Variants in EBF1 observed in about 807,000 individuals in gnomAD.
The protein encoded by EBF1 is EBF transcription factor 1, also known as transcription factor COE1.
A neutral mutation model predicts 68.4 loss-of-function variants in EBF1; 10 were observed. The ratio of observed to expected loss-of-function variants is 0.15; its 90% CI spans 0.09 to 0.25. The LOEUF (loss-of-function observed/expected upper bound fraction) is 0.25, where lower values mean the gene tolerates loss of function less well. EBF1 is among the 10% of genes least tolerant of loss of function. The pLI, the probability that EBF1 is intolerant of heterozygous loss-of-function variation, is 1.00. For synonymous variants in EBF1, 298 were observed against 299.8 expected (o/e 0.99, Z 0.06); for missense variants, 509 against 794.4 (o/e 0.64, Z 4.32).
intron 3 of EBF1, 57 bp from the exon 4 acceptor site, chr5:159,095,732 G>A (rs1229130127): frequency 2.0e-5 from 32 of 1,576,260 alleles, no homozygotes; most frequent in Non-Finnish European, 2.8e-5. Context: ...CGGAGGGTGG[G>A]TGGACAATAA....
intron 6 of EBF1, among the ~76,000 whole-genome samples, chr5:158,942,204 T>C (rs184593024): frequency 6.6e-6 from 1 of 152,312 alleles, no homozygotes; most frequent in Non-Finnish European, 1.5e-5. Flanking sequence ...TGAAGCAGTG[T>C]CCTAAGATAT....
Position 158,697,756 on chromosome 5 carries a change from C to CAA in EBF1, c.*1353_*1354dup, listed in dbSNP as rs143069078. ...GAACAACAACTTTGGCAAAAAATCACAAAAAAAAAATCTACAGTATTTATA... is the reference window on the plus strand; with the variant it reads ...GAACAACAACTTTGGCAAAAAATCACAAAAAAAAAAAATCTACAGTATTTATA... On this transcript the variant is annotated 3_prime_UTR_variant, in exon 16 of 16. Coordinates refer to ENST00000313708, the MANE Select transcript of EBF1 (RefSeq NM_024007.5). 2.8e-4 allele frequency: 56 copies of CAA among 197,284 alleles called. No homozygotes were observed. Among genetic ancestry groups the CAA allele is most frequent in the Middle Eastern group, 1.7e-3 (1 of 592 alleles). The allele number at this position is 197,284 out of a possible 1,614,324, so 12.2% of individuals were successfully genotyped here.
chr5:158,706,362 C>T (rs550935804), intron 15 of EBF1, among the ~76,000 whole-genome samples: 32 of 152,126 alleles, frequency 2.1e-4, no homozygotes, highest in Admixed American at 1.0e-3. Context: ...AGAAAGACAA[C>T]GTGATCGGGT....
chr5:158,823,303 C>A lies in EBF1; in HGVS notation c.651G>T (p.Thr217=). Residue 217 remains threonine (T), a synonymous_variant, in exon 8 of 16, where the codon ACG becomes ACT. Transcript: ENST00000313708. ...DMRRFQVVVS[T]TVNVDGHVLA... Reference sequence around the variant, plus strand: ...GGACATGGCCATCCACATTGACTGTCGTAGACACCACGACCTGGAGACATA... The same window carrying A: ...GGACATGGCCATCCACATTGACTGTAGTAGACACCACGACCTGGAGACATA... The A allele has an allele frequency of 6.2e-7, 1 of 1,612,778 alleles. No individual in the cohort carries two copies. The highest frequency in any genetic ancestry group is 1.1e-5 in the South Asian group (1 of 90,818).
intron 6 of EBF1, among the ~76,000 whole-genome samples, chr5:158,932,018 C>CA (rs1810987495): frequency 6.6e-6 from 1 of 152,172 alleles, no homozygotes; most frequent in African/African-American, 2.4e-5. Context: ...GTAATGATAG[C>CA]ACTCAGCACC....
At chr5:158,788,027 T>C (rs1330231084) in intron 9 of EBF1, among the ~76,000 whole-genome samples, 2 of 152,086 alleles carry the variant, frequency 1.3e-5, no homozygotes, top group Non-Finnish European at 2.9e-5. Context: ...TTTGACTGAA[T>C]GAATGAATGA....
chr5:158,876,167 T>C (rs1273254885), intron 6 of EBF1, among the ~76,000 whole-genome samples: 1 of 152,086 alleles, frequency 6.6e-6, no homozygotes, highest in Non-Finnish European at 1.5e-5. Context: ...TATAATAATA[T>C]TAGCAGGAAC....
At chr5:159,029,164 G>A (rs538560629) in intron 6 of EBF1, among the ~76,000 whole-genome samples, 2 of 152,228 alleles carry the variant, frequency 1.3e-5, no homozygotes, top group South Asian at 2.1e-4. Flanking sequence ...ATGGGAAAAT[G>A]CCCAACCATA....
At chr5:158,826,353 T>C (rs1786112282) in intron 7 of EBF1, among the ~76,000 whole-genome samples, 1 of 152,160 alleles carries the variant, frequency 6.6e-6, no homozygotes, top group African/African-American at 2.4e-5. Context: ...CTAAACGACA[T>C]TTTAGATTCC....
chr5:158,714,032 T>A (rs1760069336), intron 12 of EBF1, 85 bp downstream of exon 12: 3 of 1,416,488 alleles, frequency 2.1e-6, no homozygotes, highest in Non-Finnish European at 3.0e-6. Flanking sequence ...TTTTATATTG[T>A]TTGTGCTTTC....
intron 6 of EBF1, among the ~76,000 whole-genome samples, chr5:158,887,686 TTC>T: frequency 6.6e-6 from 1 of 152,236 alleles, no homozygotes; most frequent in Non-Finnish European, 1.5e-5. Context: ...CTCAACAAGC[TTC>T]TCTGTGATTG....
At chr5:158,768,623 T>C (rs1773249802) in intron 10 of EBF1, among the ~76,000 whole-genome samples, 1 of 152,090 alleles carries the variant, frequency 6.6e-6, no homozygotes, top group Admixed American at 6.6e-5. Context: ...CAAAAGTGAA[T>C]GCCCTAGCGG....
At chr5:158,773,301 A>G (rs1157211365) in intron 10 of EBF1, among the ~76,000 whole-genome samples, 1 of 152,202 alleles carries the variant, frequency 6.6e-6, no homozygotes, top group Non-Finnish European at 1.5e-5. Context: ...ATGTGGAGTT[A>G]TTCTGGGCAC....
chr5:158,915,380 TAGTC>T lies in EBF1; in HGVS notation c.555-75274_555-75271del, dbSNP rs565390290. 3.3e-5 allele frequency among the ~76,000 whole-genome samples: 5 copies of T among 152,134 alleles called. No homozygotes were observed. The South Asian group carries it at 8.3e-4, about 25-fold the overall frequency. On this transcript the variant is annotated intron_variant, in intron 6 of 15. Coordinates refer to ENST00000313708, the MANE Select transcript of EBF1 (RefSeq NM_024007.5). ...CTGTTGCTGGAACAAAAGGAAACAA[TAGTC>T]AGAGGATAAATGTAAGAAGAAACAA...
Position 159,002,157 on chromosome 5 carries a change from C to CT in EBF1, c.554+71238dup, listed in dbSNP as rs201178368. On this transcript the variant is annotated intron_variant, in intron 6 of 15. Transcript: ENST00000313708. ...TAAAAGAAACCACCCTCCCCCAAGC[C>CT]TTTTTTTTTTTTTTTTCATTTTCCA... is the stretch of plus-strand genomic sequence containing the variant. Among the ~76,000 whole-genome samples, 881 of 133,626 alleles carry CT rather than the reference C, an allele frequency of 6.6e-3. 2 individuals carry two copies. Among genetic ancestry groups the CT allele is most frequent in the Middle Eastern group, 0.016 (4 of 256 alleles). 87.7% of individuals were successfully genotyped at this position (133,626 alleles called of 152,430 possible).
At chr5:159,056,544 C>G (rs1774761967) in intron 6 of EBF1, among the ~76,000 whole-genome samples, 1 of 152,176 alleles carries the variant, frequency 6.6e-6, no homozygotes, top group East Asian at 1.9e-4. Context: ...TGACTTCTGC[C>G]CTTCCTTGGC....
At chr5:158,980,263 C>T (rs1757637356) in intron 6 of EBF1, among the ~76,000 whole-genome samples, 1 of 152,196 alleles carries the variant, frequency 6.6e-6, no homozygotes, top group African/African-American at 2.4e-5. Context: ...GTGTGCTTGC[C>T]TTTTGTTCTT....
rs369594573 is a variant in EBF1, at chr5:158,935,936, CATTGTCT to C, written c.555-95833_555-95827del. On this transcript the variant is annotated intron_variant, in intron 6 of 15. Coordinates refer to ENST00000313708, the MANE Select transcript of EBF1 (RefSeq NM_024007.5). ...TTCAGCTATCTTTGCACTGGGTGGC[CATTGTCT>C]GAGACAGATCCCTCTGCTCCTCAAT... Among the ~76,000 whole-genome samples the C allele has an allele frequency of 1.8e-3, 279 of 152,268 alleles. 1 individual carries two copies. Among genetic ancestry groups the C allele is most frequent in the African/African-American group, 6.6e-3 (273 of 41,528 alleles).
rs566083216 is a variant in EBF1, at chr5:159,011,027, C to T, written c.554+62369G>A. ...GATACAAAATGCCACAAAGACTTTG[C>T]GGGGAGGGTGAGCCCTGCTCCCTTT... On this transcript the variant is annotated intron_variant, in intron 6 of 15. Coordinates refer to ENST00000313708, the MANE Select transcript of EBF1 (RefSeq NM_024007.5). 2.0e-4 allele frequency among the ~76,000 whole-genome samples: 30 copies of T among 152,252 alleles called. No homozygotes were observed. In the East Asian group the frequency reaches 5.0e-3, roughly 25 times the overall value.
Sources: gnomAD v4.1 joint callset for allele counts (sites outside exome capture counted in the v4.1 genomes callset) on GRCh38, gnomAD v4.1.1 for gene constraint, MANE v1.5 for transcripts, NCBI Gene and HGNC (gene_info 2026-07-23, HGNC 2026-07-21) for gene names.